SNTG2: variants seen among roughly 807,000 people sequenced by gnomAD.
SNTG2 encodes the protein syntrophin gamma 2.
In SNTG2, 74 loss-of-function variants were observed where a neutral mutation model predicts 70.9. The ratio of observed to expected loss-of-function variants is 1.04; its 90% CI spans 0.86 to 1.27. The LOEUF is 1.27. SNTG2 is among the 50% of genes most tolerant of loss of function. The pLI is 0.00. For missense variants in SNTG2, 717 were observed against 690.7 expected, an observed-to-expected ratio of 1.04 and a Z score of -0.43; for synonymous variants, 278 against 273.8, an observed-to-expected ratio of 1.02 and a Z score of -0.15.
intron 16 of SNTG2, among the ~76,000 whole-genome samples, chr2:1,358,951 T>A (rs1330218483): frequency 6.6e-6 from 1 of 152,050 alleles, no homozygotes; most frequent in Non-Finnish European, 1.5e-5. Flanking sequence ...GCTCCTATTG[T>A]TGTGTTGTTG....
chr2:1,352,862 T>C (rs1660656700), intron 16 of SNTG2, among the ~76,000 whole-genome samples: 1 of 152,322 alleles, frequency 6.6e-6, no homozygotes, highest in Admixed American at 6.5e-5. Context: ...GGATGCCTTA[T>C]TAATTTGACA....
chr2:1,151,724 C>T (rs1405064863), intron 6 of SNTG2, among the ~76,000 whole-genome samples: 1 of 152,190 alleles, frequency 6.6e-6, no homozygotes, highest in Non-Finnish European at 1.5e-5. Context: ...CCGTGCTTCT[C>T]ATCACTTTGT....
intron 4 of SNTG2, among the ~76,000 whole-genome samples, chr2:1,136,195 C>T (rs1333430436): frequency 6.6e-6 from 1 of 151,996 alleles, no homozygotes; most frequent in Non-Finnish European, 1.5e-5. Flanking sequence ...GCTTCTGAGG[C>T]CCCGGCTTGA....
chr2:1,072,723 C>T (rs965421450), intron 1 of SNTG2, among the ~76,000 whole-genome samples: 33 of 152,140 alleles, frequency 2.2e-4, no homozygotes, highest in African/African-American at 7.7e-4. Flanking sequence ...AAGTTATAGC[C>T]GCCATGGAGA....
intron 1 of SNTG2, among the ~76,000 whole-genome samples, chr2:1,036,745 T>C (rs1007802738): frequency 9.8e-5 from 15 of 152,346 alleles, no homozygotes; most frequent in African/African-American, 3.6e-4. Flanking sequence ...GTGTTAATTA[T>C]GTTGTTAAAA....
intron 4 of SNTG2, among the ~76,000 whole-genome samples, chr2:1,122,314 T>C (rs1165612010): frequency 1.3e-5 from 2 of 152,156 alleles, no homozygotes; most frequent in African/African-American, 4.8e-5. Context: ...CAATGAAAAC[T>C]ACAGGCCAAT....
intron 1 of SNTG2, among the ~76,000 whole-genome samples, chr2:960,731 C>T (rs1558279698): frequency 6.9e-6 from 1 of 145,840 alleles, no homozygotes; most frequent in Non-Finnish European, 1.5e-5. Context: ...GCTCCTACTG[C>T]CTGCTCATGG....
intron 1 of SNTG2, among the ~76,000 whole-genome samples, chr2:954,089 A>G (rs969050200): frequency 1.3e-5 from 2 of 152,156 alleles, no homozygotes; most frequent in Admixed American, 6.5e-5. Flanking sequence ...CTCATGTAGC[A>G]TGTGACAGCA....
intron 12 of SNTG2, 22 bp from the exon 13 acceptor site, chr2:1,259,348 G>A: frequency 6.2e-7 from 1 of 1,613,046 alleles, no homozygotes; most frequent in Non-Finnish European, 8.5e-7. Flanking sequence ...GCTTTTCATG[G>A]AACGTTCTCT....
At chr2:1,284,218 C>A (rs1679677129) in intron 14 of SNTG2, among the ~76,000 whole-genome samples, 1 of 152,326 alleles carries the variant, frequency 6.6e-6, no homozygotes, top group Non-Finnish European at 1.5e-5. Flanking sequence ...TCATTCATTT[C>A]AGGGCTAATC....
chr2:1,143,168 G>C (rs559784420), intron 6 of SNTG2, among the ~76,000 whole-genome samples: 1 of 151,100 alleles, frequency 6.6e-6, no homozygotes, highest in East Asian at 2.0e-4. Flanking sequence ...CCCACTCTTT[G>C]CCCATCAATG....
chr2:1,128,802 TCAGCCA>T (rs1667855471), intron 4 of SNTG2, among the ~76,000 whole-genome samples: 1 of 152,078 alleles, frequency 6.6e-6, no homozygotes, highest in South Asian at 2.1e-4. Flanking sequence ...CTGATAGCCA[TCAGCCA>T]GGATGAGAGT....
At chr2:1,208,227 C>G (rs1012218618) in intron 8 of SNTG2, among the ~76,000 whole-genome samples, 9 of 143,638 alleles carry the variant, frequency 6.3e-5, no homozygotes, top group Admixed American at 2.7e-4. Context: ...GCGGGTTACA[C>G]CTGTGAGTGT....
intron 1 of SNTG2, among the ~76,000 whole-genome samples, chr2:988,305 C>T (rs1309695749): frequency 6.6e-6 from 1 of 152,218 alleles, no homozygotes; most frequent in African/African-American, 2.4e-5. Context: ...CTCATGACCC[C>T]AGAGGCCCTG....
rs77190958 is a variant in SNTG2, at chr2:1,263,136, C to T, written c.1077+3695C>T. 8.8e-3 allele frequency among the ~76,000 whole-genome samples: 1,344 copies of T among 152,224 alleles called. 11 individuals are homozygous for T. The highest frequency in any genetic ancestry group is 0.031 in the African/African-American group (1,272 of 41,532). On this transcript the variant is annotated intron_variant, in intron 13 of 16. Coordinates refer to ENST00000308624, the MANE Select transcript of SNTG2 (RefSeq NM_018968.4). ...ATTGAATCTAAAGAAGAGTCCATTA[C>T]AACACTGAGTTCAGAGGAATCAAAG...
intron 1 of SNTG2, among the ~76,000 whole-genome samples, chr2:1,045,144 T>G (rs577561063): frequency 2.9e-4 from 44 of 152,246 alleles, no homozygotes; most frequent in Middle Eastern, 3.4e-3. Context: ...TCCAGGAATC[T>G]ATTAATTTCT....
chr2:1,154,307 C>T (rs73160165), intron 6 of SNTG2, among the ~76,000 whole-genome samples: 13,565 of 152,144 alleles, frequency 0.089, 1,056 homozygotes, highest in African/African-American at 0.21. Flanking sequence ...GGCATCTTCC[C>T]GGAGGGTCCA....
At chr2:1,222,057 G>GTCTCTCTCTGTCTCTCTCTGTCTC (rs1482343282) in intron 9 of SNTG2, among the ~76,000 whole-genome samples, 1 of 32,366 alleles carries the variant, frequency 3.1e-5, no homozygotes, top group African/African-American at 1.3e-4. Flanking sequence ...GTCTCTCTCT[G>GTCTCTCTCTGTCTCTCTCTGTCTC]TCTCTGTTTC....
chr2:1,304,921 A>G (rs146944033), intron 14 of SNTG2, among the ~76,000 whole-genome samples: 232 of 152,310 alleles, frequency 1.5e-3, no homozygotes, highest in African/African-American at 5.1e-3. Flanking sequence ...GCTTTCATTA[A>G]TAAGACCATT....
Sources: gnomAD v4.1 joint callset for allele counts (sites outside exome capture counted in the v4.1 genomes callset) on GRCh38, gnomAD v4.1.1 for gene constraint, MANE v1.5 for transcripts, NCBI Gene and HGNC (gene_info 2026-07-23, HGNC 2026-07-21) for gene names.